The following UBE2W variants were observed in gnomAD, a reference collection of about 807,000 sequenced individuals.
The protein encoded by UBE2W is ubiquitin conjugating enzyme E2 W.
UBE2W carries 18 observed loss-of-function variants against 27.2 expected under a neutral mutation model. The observed-to-expected ratio is 0.66, with a 90% CI of 0.46 to 0.98. The LOEUF is 0.98. UBE2W is among the 50% of genes least tolerant of loss of function. The pLI is 0.00. For missense variants in UBE2W, 90 were observed against 180.2 expected (o/e 0.50, Z 2.87); for synonymous variants, 53 against 57.2 (o/e 0.93, Z 0.33).
intron 3 of UBE2W, among the ~76,000 whole-genome samples, chr8:73,812,371 T>C (rs1809188240): frequency 6.6e-6 from 1 of 152,168 alleles, no homozygotes; most frequent in Non-Finnish European, 1.5e-5. Context: ...CTCAATTACA[T>C]CTATCGGTGC....
At chr8:73,869,456 C>G (rs901832907) in intron 1 of UBE2W, among the ~76,000 whole-genome samples, 3 of 152,082 alleles carry the variant, frequency 2.0e-5, no homozygotes, top group African/African-American at 7.2e-5. Flanking sequence ...TTTAAGAGGC[C>G]AAGACAGGTG....
chr8:73,839,622 A>T (rs1332048849), intron 1 of UBE2W, among the ~76,000 whole-genome samples: 1 of 150,782 alleles, frequency 6.6e-6, no homozygotes, highest in Non-Finnish European at 1.5e-5. Context: ...ACGCCACTGC[A>T]CTCCAGCCTG....
intron 5 of UBE2W, among the ~76,000 whole-genome samples, 179 bp downstream of exon 5, chr8:73,805,472 C>CAAAAAAAAAAAAACAAAAAAAAAAAACA: frequency 2.3e-5 from 1 of 43,676 alleles, no homozygotes; most frequent in African/African-American, 6.0e-5. Flanking sequence ...AAAAAAAAAA[C>CAAAAAAAAAAAAACAAAAAAAAAAAACA]AAAAAAAACT....
chr8:73,802,901 T>TA (rs1808707954), intron 5 of UBE2W, among the ~76,000 whole-genome samples: 1 of 152,198 alleles, frequency 6.6e-6, no homozygotes, highest in Admixed American at 6.5e-5. Flanking sequence ...CGGGCGCCTG[T>TA]AGTCCCAGCT....
At chr8:73,844,348 C>A (rs1441261820) in intron 1 of UBE2W, among the ~76,000 whole-genome samples, 2 of 152,304 alleles carry the variant, frequency 1.3e-5, no homozygotes, top group East Asian at 3.9e-4. Flanking sequence ...AGGGTTTCGC[C>A]GTGTTGGCTG....
chr8:73,826,469 G>C (rs981244970), intron 2 of UBE2W, among the ~76,000 whole-genome samples: 5 of 152,084 alleles, frequency 3.3e-5, no homozygotes, highest in Admixed American at 3.3e-4. Context: ...AAGGAAGATA[G>C]AAAATACAGT....
chr8:73,784,051 A>C (rs1807892956), downstream of UBE2W, among the ~76,000 whole-genome samples: 1 of 152,122 alleles, frequency 6.6e-6, no homozygotes. Flanking sequence ...ACACCTGGCC[A>C]TAACATGGTT....
chr8:73,797,914 G>A (rs1389844667), intron 5 of UBE2W, among the ~76,000 whole-genome samples: 1 of 152,140 alleles, frequency 6.6e-6, no homozygotes, highest in African/African-American at 2.4e-5. Context: ...GTATCAACAT[G>A]ACACCACAAG....
At chr8:73,853,014 T>C (rs1012155959) in intron 1 of UBE2W, among the ~76,000 whole-genome samples, 3 of 152,134 alleles carry the variant, frequency 2.0e-5, no homozygotes, top group Non-Finnish European at 4.4e-5. Context: ...TCCCAAAGTA[T>C]TGGAATTAAG....
intron 1 of UBE2W, among the ~76,000 whole-genome samples, chr8:73,857,981 T>A (rs987822391): frequency 6.6e-6 from 1 of 151,648 alleles, no homozygotes; most frequent in Non-Finnish European, 1.5e-5. Context: ...TCTCACCACT[T>A]TGGAAGGCTA....
intron 1 of UBE2W, among the ~76,000 whole-genome samples, chr8:73,841,572 G>A (rs1245295397): frequency 6.6e-6 from 1 of 152,200 alleles, no homozygotes; most frequent in Non-Finnish European, 1.5e-5. Context: ...GTACAGTAGT[G>A]TCCAAAAGAA....
chr8:73,875,680 A>C (rs1248894498), intron 1 of UBE2W, among the ~76,000 whole-genome samples: 1 of 152,130 alleles, frequency 6.6e-6, no homozygotes, highest in Non-Finnish European at 1.5e-5. Context: ...ATTTTTTCCT[A>C]ATCGAAATCC....
rs1282053695 is a variant in UBE2W, at chr8:73,786,323, T to C, written c.*7779A>G. On this transcript the variant is annotated 3_prime_UTR_variant, in exon 6 of 6. Transcript: ENST00000602593. ...TTTACTCAGGTGGTGGTTCTGGATA[T>C]ATGTTTCAAAATAGCTAGCACCTAA... is the stretch of plus-strand genomic sequence containing the variant. The C allele has an allele frequency of 2.6e-5, 26 of 985,346 alleles. No individual in the cohort carries two copies. The highest frequency in any genetic ancestry group is 2.9e-5 in the Non-Finnish European group (24 of 829,946). The allele number at this position is 985,346 out of a possible 1,614,324, so 61.0% of individuals were successfully genotyped here. A position where few individuals can be genotyped will look rare whatever the true frequency, so the allele number is the denominator to read the frequency against.
Position 73,793,644 on chromosome 8 carries a change from T to C in UBE2W, c.*458A>G. The C allele has an allele frequency of 1.0e-6, 1 of 986,894 alleles. No homozygotes were observed. 61.1% of individuals were successfully genotyped at this position (986,894 alleles called of 1,614,324 possible). ...GTAATGTTGGATCCCTCACTTTATT[T>C]ATATTCCCACTATAACCAGTAAGTT... On this transcript the variant is annotated 3_prime_UTR_variant, in exon 6 of 6. Transcript: ENST00000602593.
chr8:73,806,688 C>T lies in UBE2W; in HGVS notation c.367-962G>A, dbSNP rs759960939. Among the ~76,000 whole-genome samples the T allele has an allele frequency of 2.0e-5, 3 of 151,982 alleles. 1 individual carries two copies. The highest frequency in any genetic ancestry group is 6.6e-5 in the Admixed American group (1 of 15,252). On this transcript the variant is annotated intron_variant, in intron 4 of 5. Transcript: ENST00000602593. Reference sequence around the variant, plus strand: ...GATTGCGCCACTGCACTCCAGCCTGCGTGACAGAACCAGACTTCGTCTCAA... The same window carrying T: ...GATTGCGCCACTGCACTCCAGCCTGTGTGACAGAACCAGACTTCGTCTCAA...
In UBE2W at chr8:73,821,555, GT is replaced by G. The variant is rs1468407592; in HGVS notation, c.210+3591del. 4.1e-3 allele frequency among the ~76,000 whole-genome samples: 283 copies of G among 68,578 alleles called. 4 individuals carry two copies. Among genetic ancestry groups the G allele is most frequent in the African/African-American group, 0.016 (269 of 16,566 alleles). 45.0% of individuals were successfully genotyped at this position (68,578 alleles called of 152,430 possible). A position where few individuals can be genotyped will look rare whatever the true frequency, so the allele number is the denominator to read the frequency against. On this transcript the variant is annotated intron_variant, in intron 3 of 5. Coordinates refer to ENST00000602593, the MANE Select transcript of UBE2W (RefSeq NM_018299.6). The stretch of plus-strand genomic sequence containing the variant: ...TGGAGTGGGGTGTGGGAGTGTGTGT[GT>G]GGGGGGGGGGGGATGTGTGTGCATG...
intron 2 of UBE2W, among the ~76,000 whole-genome samples, chr8:73,827,230 T>C (rs1809879187): frequency 6.6e-6 from 1 of 152,142 alleles, no homozygotes; most frequent in South Asian, 2.1e-4. Context: ...CTTTTTTTTT[T>C]GGTACAGAGT....
intron 5 of UBE2W, among the ~76,000 whole-genome samples, chr8:73,800,255 G>GTAACAAATATTTCCAT (rs1808582899): frequency 6.6e-6 from 1 of 152,188 alleles, no homozygotes; most frequent in Non-Finnish European, 1.5e-5. Context: ...ATCTCAATGT[G>GTAACAAATATTTCCAT]TAACAAATAT....
In UBE2W at chr8:73,839,131, G is replaced by A. The variant is rs549282875; in HGVS notation, c.16-8659C>T. Reference sequence around the variant, plus strand: ...CTTTCTTCAAAATGCCAAGAACCTGGACACCCTCCACCGGTAACAAATGCC... The same window carrying A: ...CTTTCTTCAAAATGCCAAGAACCTGAACACCCTCCACCGGTAACAAATGCC... On this transcript the variant is annotated intron_variant, in intron 1 of 5. Transcript: ENST00000602593. Among the ~76,000 whole-genome samples, 218 of 152,040 alleles carry A rather than the reference G, an allele frequency of 1.4e-3. 1 individual carries two copies. Among genetic ancestry groups the A allele is most frequent in the African/African-American group, 5.1e-3 (210 of 41,474 alleles).
Sources: gnomAD v4.1 joint callset for allele counts (sites outside exome capture counted in the v4.1 genomes callset) on GRCh38, gnomAD v4.1.1 for gene constraint, MANE v1.5 for transcripts, NCBI Gene and HGNC (gene_info 2026-07-23, HGNC 2026-07-21) for gene names.